TCP11L1: variants seen among roughly 807,000 people sequenced by gnomAD.
The protein encoded by TCP11L1 is T-complex protein 11-like protein 1.
TCP11L1 carries 28 observed loss-of-function variants against 48.9 expected under a neutral mutation model. That is an observed-to-expected ratio of 0.57 (90% CI 0.42 to 0.78). The LOEUF is 0.78. Among genes scored for constraint, TCP11L1 ranks in the 30% least tolerant of loss-of-function variants. The pLI is 0.00. For missense variants in TCP11L1, 505 were observed against 613.4 expected, an observed-to-expected ratio of 0.82 and a Z score of 1.87; for synonymous variants, 204 against 231.9, an observed-to-expected ratio of 0.88 and a Z score of 1.09.
chr11:33,068,829 A>C lies in TCP11L1; in HGVS notation c.1297A>C (p.Ser433Arg), dbSNP rs779634232. The C allele has an allele frequency of 6.2e-7, 1 of 1,613,892 alleles. No homozygotes were observed. The highest frequency in any genetic ancestry group is 8.5e-7 in the Non-Finnish European group (1 of 1,179,798). Residue 433 changes from serine to arginine, a missense_variant, in exon 9 of 10, where the codon AGT becomes CGT. Coordinates refer to ENST00000334274, the MANE Select transcript of TCP11L1 (RefSeq NM_018393.4). Reference sequence around the variant, plus strand: ...CAAGGGCCAGATCCAGGCCGTGGCCAGTCCCGATGACCCCATTCGCAGGAT... The same window carrying C: ...CAAGGGCCAGATCCAGGCCGTGGCCCGTCCCGATGACCCCATTCGCAGGAT... The part of the protein sequence containing the change: ...VLKGQIQAVA[S>R]PDDPIRRIME...
At chr11:33,042,142 G>C (rs920925537) in intron 1 of TCP11L1, among the ~76,000 whole-genome samples, 1 of 152,048 alleles carries the variant, frequency 6.6e-6, no homozygotes, top group Non-Finnish European at 1.5e-5. Context: ...TTGTTTGTTT[G>C]TTTGTTTAGA....
Position 33,048,267 on chromosome 11 carries a change from C to T in TCP11L1, c.163+4331C>T, listed in dbSNP as rs1165532686. Among the ~76,000 whole-genome samples the T allele has an allele frequency of 2.0e-5, 3 of 152,024 alleles. No individual in the cohort carries two copies. In the East Asian group the frequency reaches 5.8e-4, roughly 29 times the overall value. ...GGCTCAAGTGATTCACCCACCTCAA[C>T]CTCCCTAGTAGCTGAGACTACAAGT... On this transcript the variant is annotated intron_variant, in intron 2 of 9. Coordinates refer to ENST00000334274, the MANE Select transcript of TCP11L1 (RefSeq NM_018393.4).
chr11:33,055,924 T>C (rs918696572), intron 3 of TCP11L1, among the ~76,000 whole-genome samples: 1 of 152,136 alleles, frequency 6.6e-6, no homozygotes, highest in African/African-American at 2.4e-5. Context: ...TTCAAGTGAT[T>C]CTCTTGACTT....
At chr11:33,054,087 A>T (rs1269984068) in intron 2 of TCP11L1, among the ~76,000 whole-genome samples, 1 of 152,170 alleles carries the variant, frequency 6.6e-6, no homozygotes, top group Non-Finnish European at 1.5e-5. Context: ...AAGTGCTAGC[A>T]TTACAGGTGT....
At chr11:33,051,195 T>C (rs1040929744) in intron 2 of TCP11L1, among the ~76,000 whole-genome samples, 2 of 152,074 alleles carry the variant, frequency 1.3e-5, no homozygotes, top group African/African-American at 4.8e-5. Flanking sequence ...TGAGACGGAG[T>C]CTCGCTCTGT....
intron 2 of TCP11L1, among the ~76,000 whole-genome samples, chr11:33,051,726 A>C (rs948047591): frequency 6.6e-6 from 1 of 152,070 alleles, no homozygotes; most frequent in Non-Finnish European, 1.5e-5. Context: ...CCCAAAGTAC[A>C]TGAGCCACCG....
At chr11:33,071,316 G>GA (rs1332191040) in intron 9 of TCP11L1, among the ~76,000 whole-genome samples, 89 of 150,994 alleles carry the variant, frequency 5.9e-4, no homozygotes, top group African/African-American at 2.1e-3. Flanking sequence ...TGTGTCTCGA[G>GA]AAAAAAAAAG....
At chr11:33,069,642 T>C (rs550222736) in intron 9 of TCP11L1, among the ~76,000 whole-genome samples, 47 of 152,268 alleles carry the variant, frequency 3.1e-4, no homozygotes, top group African/African-American at 1.1e-3. Flanking sequence ...TCTTCCAGAC[T>C]GGAGTGCAGT....
intron 2 of TCP11L1, among the ~76,000 whole-genome samples, chr11:33,052,418 C>A (rs957302494): frequency 6.0e-5 from 9 of 151,066 alleles, no homozygotes; most frequent in Admixed American, 1.3e-4. Flanking sequence ...CCCTTGTGAC[C>A]AAATAAAGTT....
At chr11:33,052,475 T>C (rs1479794778) in intron 2 of TCP11L1, among the ~76,000 whole-genome samples, 1 of 152,162 alleles carries the variant, frequency 6.6e-6, no homozygotes. Flanking sequence ...GTTCCTTTTT[T>C]TTTTTTCTTT....
Sources: allele counts gnomAD v4.1 joint callset (sites outside exome capture counted in the v4.1 genomes callset), GRCh38; gene constraint gnomAD v4.1.1; transcripts MANE v1.5; gene names NCBI Gene and HGNC (gene_info 2026-07-23, HGNC 2026-07-21).